The following PRKCB variants were observed in gnomAD, a reference collection of about 807,000 sequenced individuals.
PRKCB encodes protein kinase C beta.
PRKCB carries 13 observed loss-of-function variants against 81.5 expected under a neutral mutation model. The observed-to-expected ratio is 0.16, with a 90% CI of 0.10 to 0.25. PRKCB has a LOEUF of 0.25. Ranked by LOEUF, PRKCB falls within the 10% of genes least tolerant of loss-of-function variation. The probability of loss-of-function intolerance (pLI) is 1.00; values close to 1 mark genes in which losing one functional copy is unlikely to be tolerated. For missense variants in PRKCB, 509 were observed against 875.7 expected, an observed-to-expected ratio of 0.58 and a Z score of 5.29; for synonymous variants, 335 against 321.4, an observed-to-expected ratio of 1.04 and a Z score of -0.45.
chr16:24,096,727 G>A (rs1389760933), intron 7 of PRKCB, among the ~76,000 whole-genome samples: 1 of 137,114 alleles, frequency 7.3e-6, no homozygotes, highest in Non-Finnish European at 1.5e-5. Flanking sequence ...TACCAACAGA[G>A]AGGCTGGGTA....
chr16:24,044,960 A>G (rs982731240), intron 5 of PRKCB, among the ~76,000 whole-genome samples: 13 of 152,220 alleles, frequency 8.5e-5, no homozygotes, highest in Admixed American at 7.2e-4. Flanking sequence ...GTGTGAAGAA[A>G]GGTGTGGAAG....
intron 5 of PRKCB, among the ~76,000 whole-genome samples, chr16:24,059,506 T>G (rs1596531819): frequency 6.6e-6 from 1 of 151,700 alleles, no homozygotes; most frequent in South Asian, 2.1e-4. Flanking sequence ...AAAAAAAATT[T>G]TTTTTTTTTA....
chr16:23,894,080 G>T (rs1963334734), intron 2 of PRKCB, among the ~76,000 whole-genome samples: 1 of 152,228 alleles, frequency 6.6e-6, no homozygotes, highest in Non-Finnish European at 1.5e-5. Flanking sequence ...TTTGCAATCA[G>T]CTGGGGGACT....
chr16:23,916,081 T>A (rs1963733935), intron 2 of PRKCB, among the ~76,000 whole-genome samples: 1 of 152,138 alleles, frequency 6.6e-6, no homozygotes, highest in Non-Finnish European at 1.5e-5. Flanking sequence ...AGAGACAGGA[T>A]CTTGCTCAGT....
intron 5 of PRKCB, among the ~76,000 whole-genome samples, chr16:24,066,614 A>G (rs1450558519): frequency 6.6e-6 from 1 of 151,844 alleles, no homozygotes; most frequent in Non-Finnish European, 1.5e-5. Context: ...TCCAAACTTT[A>G]TTTGGATTTT....
At chr16:24,195,350 A>G (rs1281262036) in intron 16 of PRKCB, among the ~76,000 whole-genome samples, 1 of 152,150 alleles carries the variant, frequency 6.6e-6, no homozygotes, top group Non-Finnish European at 1.5e-5. Context: ...ACTGTCTGCC[A>G]CTTCCAAAAG....
intron 2 of PRKCB, among the ~76,000 whole-genome samples, chr16:23,915,689 CAAAAAA>C (rs71154259): frequency 9.2e-5 from 5 of 54,530 alleles, no homozygotes; most frequent in South Asian, 1.3e-3. Flanking sequence ...GACTCTCTAT[CAAAAAA>C]AAAAAAAAAA....
At chr16:24,073,029 T>C (rs1301243644) in intron 5 of PRKCB, among the ~76,000 whole-genome samples, 2 of 152,242 alleles carry the variant, frequency 1.3e-5, no homozygotes, top group Non-Finnish European at 2.9e-5. Flanking sequence ...CTATGCCAGC[T>C]GGCAACTAAG....
At chr16:23,851,826 AT>A (rs879463604) in intron 2 of PRKCB, among the ~76,000 whole-genome samples, 39 of 149,316 alleles carry the variant, frequency 2.6e-4, no homozygotes, top group East Asian at 1.8e-3. Context: ...CACCTAAGTA[AT>A]TTTTTTTTTG....
chr16:24,203,999 C>G (rs1596597720), intron 16 of PRKCB, among the ~76,000 whole-genome samples: 1 of 151,822 alleles, frequency 6.6e-6, no homozygotes, highest in African/African-American at 2.4e-5. Context: ...CCTCATTCTG[C>G]TTGTAATTGG....
At chr16:23,922,000 A>G (rs534032228) in intron 2 of PRKCB, among the ~76,000 whole-genome samples, 1 of 152,286 alleles carries the variant, frequency 6.6e-6, no homozygotes. Context: ...CAGTAAGAGC[A>G]AAGGCTTGAA....
Position 24,206,373 on chromosome 16 carries a change from G to A in PRKCB, c.1864-8285G>A, listed in dbSNP as rs561036234. On this transcript the variant is annotated intron_variant, in intron 16 of 16. Coordinates refer to ENST00000643927, the MANE Select transcript of PRKCB (RefSeq NM_002738.7). ...AAGATGCGCTTGTCTTTTTGCCTAG[G>A]CTATGTAGCTTGGATGTCTTTTCAT... 3.9e-5 allele frequency among the ~76,000 whole-genome samples: 6 copies of A among 152,254 alleles called. No homozygotes were observed. The South Asian group carries it at 1.2e-3, about 32-fold the overall frequency.
At chr16:24,169,914 C>T (rs1967415363) in intron 10 of PRKCB, among the ~76,000 whole-genome samples, 1 of 152,018 alleles carries the variant, frequency 6.6e-6, no homozygotes, top group Non-Finnish European at 1.5e-5. Flanking sequence ...GTAGCTGGGA[C>T]TACAGGCGCA....
At chr16:24,178,306 C>T (rs532226759) in intron 12 of PRKCB, among the ~76,000 whole-genome samples, 50 of 152,296 alleles carry the variant, frequency 3.3e-4, no homozygotes, top group African/African-American at 1.2e-3. Context: ...TTTCTCCATC[C>T]ACCTTTTGAA....
At chr16:24,051,436 G>A (rs1214469676) in intron 5 of PRKCB, among the ~76,000 whole-genome samples, 1 of 152,158 alleles carries the variant, frequency 6.6e-6, no homozygotes, top group African/African-American at 2.4e-5. Flanking sequence ...GGAGTTGGTT[G>A]GAGGTTTGGG....
At chr16:23,869,190 T>C in intron 2 of PRKCB, 1 of 447,894 alleles carries the variant, frequency 2.2e-6, no homozygotes, top group South Asian at 1.6e-5. Context: ...ACTCTACATT[T>C]AAACAGAGGC....
intron 7 of PRKCB, among the ~76,000 whole-genome samples, chr16:24,103,842 G>C (rs922280653): frequency 1.3e-5 from 2 of 152,062 alleles, no homozygotes; most frequent in Admixed American, 6.5e-5. Context: ...TTTCACTCTT[G>C]TTGCCCAGGC....
intron 10 of PRKCB, among the ~76,000 whole-genome samples, chr16:24,162,364 C>G (rs1318375758): frequency 6.6e-6 from 1 of 150,546 alleles, no homozygotes. Flanking sequence ...CAGCAGTGAT[C>G]AAGTTGTAAG....
chr16:24,218,484 G>C lies in PRKCB; in HGVS notation c.*3668G>C, dbSNP rs993756816. On this transcript the variant is annotated 3_prime_UTR_variant, in exon 17 of 17. Transcript: ENST00000643927. ...CCCCACTCTAGCCACACATACCCAC[G>C]TGTGCTCCTGAGTTCAGTGTGCCCA... The C allele has an allele frequency of 1.1e-5, 11 of 985,298 alleles. No individual in the cohort carries two copies. The highest frequency in any genetic ancestry group is 1.7e-5 in the African/African-American group (1 of 57,196). 61.0% of individuals were successfully genotyped at this position (985,298 alleles called of 1,614,324 possible).
Sources: allele counts gnomAD v4.1 joint callset (sites outside exome capture counted in the v4.1 genomes callset), GRCh38; gene constraint gnomAD v4.1.1; transcripts MANE v1.5; gene names NCBI Gene and HGNC (gene_info 2026-07-23, HGNC 2026-07-21).